Variants in GRM5 observed in about 807,000 individuals in gnomAD.
The protein encoded by GRM5 is glutamate metabotropic receptor 5.
In GRM5, 19 loss-of-function variants were observed where a neutral mutation model predicts 83.1. The observed-to-expected ratio is 0.23, with a 90% confidence interval of 0.16 to 0.34. The LOEUF is 0.34. Ranked by LOEUF, GRM5 falls within the 10% of genes least tolerant of loss-of-function variation. GRM5 has a pLI of 1.00. For missense variants in GRM5, 1,160 were observed against 1,588.3 expected, an observed-to-expected ratio of 0.73 and a Z score of 4.58; for synonymous variants, 675 against 633.6, an observed-to-expected ratio of 1.07 and a Z score of -0.98.
intron 3 of GRM5, among the ~76,000 whole-genome samples, chr11:88,800,572 C>T (rs1056618925): frequency 6.6e-6 from 1 of 152,112 alleles, no homozygotes; most frequent in African/African-American, 2.4e-5. Flanking sequence ...AGCAGGTACT[C>T]AGCAAATATT....
intron 2 of GRM5, among the ~76,000 whole-genome samples, chr11:89,038,877 C>T (rs1247309031): frequency 6.6e-6 from 1 of 152,122 alleles, no homozygotes; most frequent in African/African-American, 2.4e-5. Context: ...CTAACTTTAG[C>T]TGCAGAAAAA....
chr11:88,987,240 G>C lies in GRM5; in HGVS notation c.661+59972C>G, dbSNP rs184028269. On this transcript the variant is annotated intron_variant, in intron 2 of 9. Coordinates refer to ENST00000305447, the MANE Select transcript of GRM5 (RefSeq NM_001143831.3). ...GATTTCCCTTTCCTAGTCAAAGAAA[G>C]GGGTGACCCACGGCACCTGGAAAAT... Among the ~76,000 whole-genome samples, 147 of 152,240 alleles carry C rather than the reference G, an allele frequency of 9.7e-4. 1 individual carries two copies. The highest frequency in any genetic ancestry group is 3.4e-3 in the African/African-American group (143 of 41,562).
At chr11:88,825,606 G>A (rs10501692) in intron 3 of GRM5, among the ~76,000 whole-genome samples, 3,909 of 152,218 alleles carry the variant, frequency 0.026, 140 homozygotes, top group African/African-American at 0.076. Context: ...AATCACAAGT[G>A]GGATGCAACT....
At chr11:88,997,714 AT>A (rs1940236886) in intron 2 of GRM5, among the ~76,000 whole-genome samples, 1 of 152,094 alleles carries the variant, frequency 6.6e-6, no homozygotes, top group Non-Finnish European at 1.5e-5. Flanking sequence ...AAATTAATCA[AT>A]TCCATGAAAT....
chr11:88,956,938 G>A (rs1040953948), intron 2 of GRM5, among the ~76,000 whole-genome samples: 3 of 151,806 alleles, frequency 2.0e-5, no homozygotes, highest in South Asian at 2.1e-4. Flanking sequence ...GGGTTATTGT[G>A]AGAACTTAGG....
At chr11:88,695,760 G>T (rs1004413802) in intron 3 of GRM5, among the ~76,000 whole-genome samples, 17 of 152,092 alleles carry the variant, frequency 1.1e-4, no homozygotes, top group African/African-American at 4.1e-4. Flanking sequence ...CTCTCACAGG[G>T]CGTGAGACAG....
chr11:88,993,776 CA>C (rs1362221003), intron 2 of GRM5, among the ~76,000 whole-genome samples: 1 of 152,052 alleles, frequency 6.6e-6, no homozygotes, highest in Non-Finnish European at 1.5e-5. Flanking sequence ...GGCTGGAGTG[CA>C]GTGATGTAAT....
intron 3 of GRM5, among the ~76,000 whole-genome samples, chr11:88,686,836 G>T (rs541368935): frequency 5.9e-5 from 9 of 152,014 alleles, no homozygotes; most frequent in South Asian, 4.2e-4. Context: ...TTTCTTCCCA[G>T]TCTCAGGTTT....
intron 4 of GRM5, among the ~76,000 whole-genome samples, chr11:88,646,962 G>C (rs549152858): frequency 1.3e-5 from 2 of 151,498 alleles, no homozygotes; most frequent in African/African-American, 4.8e-5. Flanking sequence ...CAGTTCTGGA[G>C]GCTAGAAGTC....
intron 1 of GRM5, among the ~76,000 whole-genome samples, chr11:89,064,393 A>G (rs1377320378): frequency 2.0e-5 from 3 of 152,202 alleles, no homozygotes; most frequent in Non-Finnish European, 4.4e-5. Flanking sequence ...CAGAACTCCA[A>G]GTTCACTGAG....
chr11:88,563,868 C>CTAG (rs1446538055), intron 8 of GRM5, among the ~76,000 whole-genome samples: 1 of 152,132 alleles, frequency 6.6e-6, no homozygotes, highest in African/African-American at 2.4e-5. Flanking sequence ...CCCTGCATAA[C>CTAG]CAGCTATATC....
At chr11:88,765,473 G>T (rs7937978) in intron 3 of GRM5, among the ~76,000 whole-genome samples, 1 of 149,984 alleles carries the variant, frequency 6.7e-6, no homozygotes, top group Non-Finnish European at 1.5e-5. Context: ...CATAGTAATC[G>T]TAACAGTGTG....
intron 2 of GRM5, among the ~76,000 whole-genome samples, chr11:88,869,706 T>C (rs1944730546): frequency 6.6e-6 from 1 of 151,552 alleles, no homozygotes. Context: ...AGAATCACTT[T>C]ATTCCTTGAA....
At chr11:88,840,580 G>A (rs1944180297) in intron 3 of GRM5, among the ~76,000 whole-genome samples, 2 of 152,124 alleles carry the variant, frequency 1.3e-5, no homozygotes, top group Admixed American at 1.3e-4. Flanking sequence ...TCTTCAGCAG[G>A]AATTTATTGT....
intron 2 of GRM5, among the ~76,000 whole-genome samples, chr11:88,859,452 G>A (rs1944527484): frequency 6.6e-6 from 1 of 151,962 alleles, no homozygotes; most frequent in Non-Finnish European, 1.5e-5. Flanking sequence ...TTTGGTAAAA[G>A]GTTAATAATA....
intron 8 of GRM5, among the ~76,000 whole-genome samples, chr11:88,553,092 C>T (rs1221184162): frequency 6.6e-5 from 10 of 152,130 alleles, no homozygotes; most frequent in Non-Finnish European, 1.2e-4. Context: ...CAAGTACCAT[C>T]GGACATTTTA....
chr11:88,945,129 T>TACAC (rs10587949), intron 2 of GRM5, among the ~76,000 whole-genome samples: 5 of 149,020 alleles, frequency 3.4e-5, no homozygotes, highest in African/African-American at 1.2e-4. Context: ...CACACACACA[T>TACAC]ACACACACAC....
rs1941145054 is a variant in GRM5, at chr11:88,504,996, G to C, written c.*3596C>G. The stretch of plus-strand genomic sequence containing the variant: ...TACAACACCATCAGCAGCTGCCATT[G>C]ATTTCTAGAAATACACACAATATAC... On this transcript the variant is annotated 3_prime_UTR_variant, in exon 10 of 10. Coordinates refer to ENST00000305447, the MANE Select transcript of GRM5 (RefSeq NM_001143831.3). 1 of 152,088 alleles carries C rather than the reference G, an allele frequency of 6.6e-6. No individual in the cohort carries two copies. The highest frequency in any genetic ancestry group is 1.5e-5 in the Non-Finnish European group (1 of 67,990). 9.4% of individuals were successfully genotyped at this position (152,088 alleles called of 1,614,324 possible). A position where few individuals can be genotyped will look rare whatever the true frequency, so the allele number is the denominator to read the frequency against.
chr11:88,696,476 C>A (rs1940905336), intron 3 of GRM5, among the ~76,000 whole-genome samples: 1 of 152,172 alleles, frequency 6.6e-6, no homozygotes, highest in African/African-American at 2.4e-5. Context: ...GCCTCCCTGC[C>A]TCCCTTCTGT....
Sources: allele counts gnomAD v4.1 joint callset (sites outside exome capture counted in the v4.1 genomes callset), GRCh38; gene constraint gnomAD v4.1.1; transcripts MANE v1.5; gene names NCBI Gene and HGNC (gene_info 2026-07-23, HGNC 2026-07-21).